The following SNTG1 variants were observed in gnomAD, a reference collection of about 807,000 sequenced individuals.
SNTG1 encodes the protein syntrophin gamma 1, also known as gamma-1-syntrophin.
A neutral mutation model predicts 74.7 loss-of-function variants in SNTG1; 39 were observed. The observed-to-expected ratio is 0.52, with a 90% confidence interval of 0.40 to 0.68. The LOEUF is 0.68. Ranked by LOEUF, SNTG1 falls within the 30% of genes least tolerant of loss-of-function variation. The pLI is 0.00. For synonymous variants in SNTG1, 254 were observed against 217.1 expected (o/e 1.17, Z -1.49); for missense variants, 685 against 609.5 (o/e 1.12, Z -1.30).
chr8:50,525,082 G>A (rs1332392584), intron 9 of SNTG1, among the ~76,000 whole-genome samples: 1 of 151,926 alleles, frequency 6.6e-6, no homozygotes, highest in African/African-American at 2.4e-5. Context: ...AAGTCCCATG[G>A]TTTTTGTTTA....
At chr8:50,775,941 T>G (rs892618543) in intron 18 of SNTG1, among the ~76,000 whole-genome samples, 4 of 120,360 alleles carry the variant, frequency 3.3e-5, no homozygotes, top group African/African-American at 1.3e-4. Context: ...TAGTCACTTT[T>G]CTTCATCCAA....
intron 2 of SNTG1, among the ~76,000 whole-genome samples, chr8:50,278,042 G>A (rs897919084): frequency 2.6e-5 from 4 of 152,164 alleles, no homozygotes; most frequent in Admixed American, 6.5e-5. Flanking sequence ...GCTTGGTGGC[G>A]TATGCCTGTA....
intron 18 of SNTG1, among the ~76,000 whole-genome samples, chr8:50,783,661 A>G (rs1024297124): frequency 6.6e-6 from 1 of 152,182 alleles, no homozygotes; most frequent in Non-Finnish European, 1.5e-5. Context: ...GAGTGAGGCA[A>G]TGCCTTGCCC....
chr8:50,003,086 G>A (rs1814894551), intron 1 of SNTG1, among the ~76,000 whole-genome samples: 1 of 152,128 alleles, frequency 6.6e-6, no homozygotes, highest in Non-Finnish European at 1.5e-5. Flanking sequence ...TGGTTGTGAG[G>A]AGCTTAAGAG....
At chr8:50,689,047 G>T (rs1222194253) in intron 15 of SNTG1, among the ~76,000 whole-genome samples, 2 of 145,220 alleles carry the variant, frequency 1.4e-5, no homozygotes, top group African/African-American at 5.2e-5. Context: ...CTTATGATTT[G>T]GCTCTCTGTT....
rs373274210 is a variant in SNTG1, at chr8:50,772,769, GA to G, written c.1396-19901del. On this transcript the variant is annotated intron_variant, in intron 18 of 18. Transcript: ENST00000642720. The stretch of plus-strand genomic sequence containing the variant: ...GGGAACTGTTCAGGTCATGGGGGTA[GA>G]TTCCCCCATAAATAAATTAATTCCC... Among the ~76,000 whole-genome samples the G allele has an allele frequency of 3.2e-3, 486 of 152,268 alleles. 3 individuals are homozygous for G. Among genetic ancestry groups the G allele is most frequent in the African/African-American group, 0.011 (457 of 41,568 alleles).
chr8:50,402,401 T>A (rs2092818588), intron 4 of SNTG1, 57 bp downstream of exon 4: 1 of 1,539,114 alleles, frequency 6.5e-7, no homozygotes, highest in Admixed American at 2.2e-5. Flanking sequence ...TTAATAAAAA[T>A]GTTTATTCAC....
intron 8 of SNTG1, among the ~76,000 whole-genome samples, chr8:50,473,109 C>A (rs1365847435): frequency 6.6e-6 from 1 of 152,140 alleles, no homozygotes; most frequent in East Asian, 1.9e-4. Context: ...CCCCACGTTC[C>A]CCAAGTGTCA....
intron 1 of SNTG1, among the ~76,000 whole-genome samples, chr8:50,102,945 C>T (rs1055276368): frequency 1.3e-5 from 2 of 151,106 alleles, no homozygotes; most frequent in Admixed American, 1.3e-4. Flanking sequence ...CAGTACCATG[C>T]TGTTTTGGTT....
At chr8:50,021,677 A>C (rs1011167108) in intron 1 of SNTG1, among the ~76,000 whole-genome samples, 1 of 152,036 alleles carries the variant, frequency 6.6e-6, no homozygotes, top group Non-Finnish European at 1.5e-5. Flanking sequence ...CCCCAAGCCC[A>C]AAATCCCAGC....
At chr8:50,123,304 G>C (rs966709006) in intron 1 of SNTG1, among the ~76,000 whole-genome samples, 1 of 142,844 alleles carries the variant, frequency 7.0e-6, no homozygotes, top group Non-Finnish European at 1.6e-5. Context: ...CTGCCAGACA[G>C]TTAATTTGAG....
At chr8:49,988,869 A>G (rs1386871061) in intron 1 of SNTG1, among the ~76,000 whole-genome samples, 1 of 151,956 alleles carries the variant, frequency 6.6e-6, no homozygotes, top group Non-Finnish European at 1.5e-5. Flanking sequence ...AAAAGCAGCA[A>G]AATAAACAGA....
chr8:50,744,723 A>G (rs993370498), intron 17 of SNTG1, among the ~76,000 whole-genome samples: 4 of 152,014 alleles, frequency 2.6e-5, no homozygotes, highest in African/African-American at 9.7e-5. Flanking sequence ...GGAATAGAAT[A>G]GAGATCACAG....
chr8:50,340,130 A>G (rs2091276241), intron 2 of SNTG1, among the ~76,000 whole-genome samples: 1 of 152,042 alleles, frequency 6.6e-6, no homozygotes, highest in Non-Finnish European at 1.5e-5. Flanking sequence ...AATATTGTTA[A>G]GATGTTGATT....
chr8:50,676,341 GT>G (rs959258845), intron 15 of SNTG1, among the ~76,000 whole-genome samples: 10 of 151,794 alleles, frequency 6.6e-5, no homozygotes, highest in Admixed American at 2.6e-4. Context: ...TTTTTCTCTG[GT>G]TTTTTCTGTA....
At chr8:50,370,442 T>A (rs1386607486) in intron 2 of SNTG1, among the ~76,000 whole-genome samples, 1 of 152,110 alleles carries the variant, frequency 6.6e-6, no homozygotes, top group Non-Finnish European at 1.5e-5. Flanking sequence ...ATGGGCACAA[T>A]GAGCCAGTAA....
intron 1 of SNTG1, among the ~76,000 whole-genome samples, chr8:50,133,668 C>T (rs1451448834): frequency 2.0e-5 from 3 of 152,176 alleles, no homozygotes; most frequent in Non-Finnish European, 2.9e-5. Flanking sequence ...TCTAAGCTTA[C>T]AGCTGTGTCA....
intron 2 of SNTG1, among the ~76,000 whole-genome samples, chr8:50,390,343 C>A (rs537365055): frequency 2.0e-5 from 3 of 151,800 alleles, no homozygotes; most frequent in East Asian, 1.9e-4. Flanking sequence ...AATAGGGAAT[C>A]GTTTCCCCAT....
intron 11 of SNTG1, among the ~76,000 whole-genome samples, chr8:50,540,464 T>C (rs1404590323): frequency 1.3e-5 from 2 of 152,174 alleles, no homozygotes; most frequent in South Asian, 2.1e-4. Context: ...AGGATGAGTA[T>C]TGTCATTTTT....
Sources: allele counts gnomAD v4.1 joint callset (sites outside exome capture counted in the v4.1 genomes callset), GRCh38; gene constraint gnomAD v4.1.1; transcripts MANE v1.5; gene names NCBI Gene and HGNC (gene_info 2026-07-23, HGNC 2026-07-21).